The following HDAC8 variants were observed in gnomAD, a reference collection of about 807,000 sequenced individuals.
HDAC8 encodes the protein histone deacetylase 8, also known as histone deacetylase-like 1.
HDAC8 carries 1 observed loss-of-function variant against 32.2 expected under a neutral mutation model. That is an observed-to-expected ratio of 0.03 (90% confidence interval 0.01 to 0.15). The LOEUF is 0.15. HDAC8 is among the 10% of genes least tolerant of loss of function. HDAC8 has a pLI of 1.00. For missense variants in HDAC8, 117 were observed against 300.0 expected, an observed-to-expected ratio of 0.39 and a Z score of 4.51; for synonymous variants, 108 against 113.9, an observed-to-expected ratio of 0.95 and a Z score of 0.33.
At chrX:72,384,057 G>A (rs1385470496) in intron 9 of HDAC8, among the ~76,000 whole-genome samples, 4 of 110,820 alleles carry the variant, frequency 3.6e-5, no homozygotes, top group Non-Finnish European at 7.6e-5. Flanking sequence ...TTGGAGTCAG[G>A]CAGGCCTGAG....
At chrX:72,506,794 C>T (rs1428030593) in intron 4 of HDAC8, among the ~76,000 whole-genome samples, 1 of 111,384 alleles carries the variant, frequency 9.0e-6, no homozygotes, top group Non-Finnish European at 1.9e-5. Context: ...CGTTGGAATC[C>T]ACTGGACTGG....
chrX:72,479,992 A>T (rs1556002331), intron 7 of HDAC8, among the ~76,000 whole-genome samples: 1 of 111,949 alleles, frequency 8.9e-6, no homozygotes, highest in African/African-American at 3.3e-5. Flanking sequence ...GACACATCAA[A>T]GTAGGAACAA....
chrX:72,460,619 C>A (rs1395752713), intron 9 of HDAC8, among the ~76,000 whole-genome samples: 1 of 111,982 alleles, frequency 8.9e-6, no homozygotes, highest in Non-Finnish European at 1.9e-5. Flanking sequence ...AGGCGATATT[C>A]ATCTTTATTA....
intron 7 of HDAC8, among the ~76,000 whole-genome samples, chrX:72,484,355 T>C (rs782209988): frequency 2.9e-4 from 32 of 112,204 alleles, no homozygotes; most frequent in Non-Finnish European, 4.7e-4. Context: ...ACACTGCTAC[T>C]GAATGAGAAC....
chrX:72,475,076 A>C (rs927657939), intron 7 of HDAC8, among the ~76,000 whole-genome samples: 3 of 111,115 alleles, frequency 2.7e-5, no homozygotes, highest in Non-Finnish European at 5.7e-5. Context: ...TGATGGGTTC[A>C]TGCTCCCAGA....
At chrX:72,513,742 C>T (rs1337255516) in intron 4 of HDAC8, among the ~76,000 whole-genome samples, 2 of 111,856 alleles carry the variant, frequency 1.8e-5, no homozygotes, top group African/African-American at 3.3e-5. Context: ...CCAGATTATA[C>T]ATTTACAAAT....
intron 9 of HDAC8, among the ~76,000 whole-genome samples, chrX:72,441,251 C>T (rs1555981666): frequency 8.9e-6 from 1 of 112,694 alleles, no homozygotes; most frequent in African/African-American, 3.2e-5. Flanking sequence ...GTCCCTGACC[C>T]CTGACACCCG....
rs188421066 is a variant in HDAC8 at position 72,440,674 on chromosome X, A to G, written c.1005+21330T>C. Reference sequence around the variant, plus strand: ...TCCATCTCACTAGGGAGTGCCAGACAGTGGGCACAGGACAGTGGGTGAAGC... The same window carrying G: ...TCCATCTCACTAGGGAGTGCCAGACGGTGGGCACAGGACAGTGGGTGAAGC... On this transcript the variant is annotated intron_variant, in intron 9 of 10. Transcript: ENST00000373573. 8.9e-5 allele frequency among the ~76,000 whole-genome samples: 10 copies of G among 112,169 alleles called. No individual in the cohort carries two copies. In the South Asian group the frequency reaches 3.3e-3, roughly 37 times the overall value.
intron 9 of HDAC8, among the ~76,000 whole-genome samples, chrX:72,398,800 G>A (rs1457461222): frequency 3.8e-5 from 4 of 105,801 alleles, no homozygotes; most frequent in Non-Finnish European, 7.8e-5. Flanking sequence ...TTCATTTTAA[G>A]GTAATTGAAT....
intron 4 of HDAC8, among the ~76,000 whole-genome samples, chrX:72,541,101 T>C (rs1424718805): frequency 9.0e-6 from 1 of 111,247 alleles, no homozygotes; most frequent in Non-Finnish European, 1.9e-5. Flanking sequence ...AGGTAATTTT[T>C]CCAATTATCA....
At chrX:72,504,248 T>C (rs2049315784) in intron 4 of HDAC8, among the ~76,000 whole-genome samples, 1 of 111,943 alleles carries the variant, frequency 8.9e-6, no homozygotes, top group East Asian at 2.8e-4. Context: ...CAATACTGTG[T>C]AACCTTCACC....
intron 9 of HDAC8, among the ~76,000 whole-genome samples, chrX:72,445,414 C>G (rs1463788065): frequency 3.6e-5 from 4 of 111,663 alleles, no homozygotes; most frequent in Admixed American, 2.8e-4. Context: ...ACAAACCTGA[C>G]AAAAACAAGC....
At chrX:72,500,350 C>A (rs1319692241) in intron 4 of HDAC8, among the ~76,000 whole-genome samples, 1 of 111,685 alleles carries the variant, frequency 9.0e-6, no homozygotes, top group Non-Finnish European at 1.9e-5. Flanking sequence ...AGCCAATATC[C>A]TTGATGAATA....
At chrX:72,394,798 G>A (rs1433227036) in intron 9 of HDAC8, among the ~76,000 whole-genome samples, 1 of 112,163 alleles carries the variant, frequency 8.9e-6, no homozygotes, top group Admixed American at 9.4e-5. Flanking sequence ...GAATTCCTCT[G>A]CCAGCTGAGA....
chrX:72,532,749 C>A (rs2050392777), intron 4 of HDAC8, among the ~76,000 whole-genome samples: 2 of 110,866 alleles, frequency 1.8e-5, no homozygotes, highest in African/African-American at 6.6e-5. Flanking sequence ...TGCAAGAGTT[C>A]TATACACATA....
intron 10 of HDAC8, among the ~76,000 whole-genome samples, chrX:72,333,965 G>C (rs2043608682): frequency 8.9e-6 from 1 of 112,049 alleles, no homozygotes; most frequent in African/African-American, 3.2e-5. Context: ...TCGCAGGGAG[G>C]AAAGGTGGGT....
intron 4 of HDAC8, among the ~76,000 whole-genome samples, chrX:72,501,371 C>T (rs2049211584): frequency 1.8e-5 from 2 of 111,786 alleles, no homozygotes; most frequent in South Asian, 7.5e-4. Context: ...CTTTGAACTA[C>T]ACTACAGGCT....
chrX:72,522,391 T>C (rs782600605), intron 4 of HDAC8, among the ~76,000 whole-genome samples: 19 of 112,609 alleles, frequency 1.7e-4, no homozygotes, highest in Non-Finnish European at 3.0e-4. Flanking sequence ...TCTTTCCTTC[T>C]GTTGACTACA....
chrX:72,559,464 G>A (rs1556109839), intron 4 of HDAC8, among the ~76,000 whole-genome samples: 1 of 111,402 alleles, frequency 9.0e-6, no homozygotes, highest in Non-Finnish European at 1.9e-5. Context: ...CCAAAGTGCC[G>A]AGATTGCAGC....
Sources: gnomAD v4.1 joint callset for allele counts (sites outside exome capture counted in the v4.1 genomes callset) on GRCh38, gnomAD v4.1.1 for gene constraint, MANE v1.5 for transcripts, NCBI Gene and HGNC (gene_info 2026-07-23, HGNC 2026-07-21) for gene names.